Variants in GBP6 observed in about 807,000 individuals in gnomAD.
GBP6 encodes guanylate binding protein family member 6.
Under a neutral mutation model 61.5 loss-of-function variants are expected in GBP6, and 54 were observed. That is an observed-to-expected ratio of 0.88 (90% CI 0.71 to 1.10). The LOEUF (loss-of-function observed/expected upper bound fraction) is 1.10. Among genes scored for constraint, GBP6 ranks in the 50% least tolerant of loss-of-function variants. GBP6 has a pLI of 0.00. For synonymous variants in GBP6, 255 were observed against 273.7 expected, an observed-to-expected ratio of 0.93 and a Z score of 0.67; for missense variants, 748 against 752.8, an observed-to-expected ratio of 0.99 and a Z score of 0.07.
In GBP6 at chr1:89,383,706, A is replaced by G; in HGVS notation, c.1420A>G (p.Ile474Val). The change falls in exon 9 of 11, where the codon ATC becomes GTC. Residue 474 changes from isoleucine (I) to valine (V), a missense_variant. Physicochemically the swap from Ile to Val is conservative, Grantham distance 29. Coordinates refer to ENST00000370456, the MANE Select transcript of GBP6 (RefSeq NM_198460.3). Reference protein sequence around the residue: ...LESQMVIEESILQSDKALTDR... With the variant: ...LESQMVIEESVLQSDKALTDR... ...GTCACAGATGGTGATAGAGGAATCCATCTTGCAGTCAGATAAAGCCCTCAC... is the reference window on the plus strand; with the variant it reads ...GTCACAGATGGTGATAGAGGAATCCGTCTTGCAGTCAGATAAAGCCCTCAC... 6.2e-7 allele frequency: 1 copy of G among 1,613,118 alleles called. No individual in the cohort carries two copies. The highest frequency in any genetic ancestry group is 1.1e-5 in the South Asian group (1 of 90,820).
At position 89,383,677 on chromosome 1, in the gene GBP6, T is replaced by C; in HGVS notation, c.1391T>C (p.Leu464Pro). The C allele has an allele frequency of 6.2e-7, 1 of 1,610,088 alleles. No homozygotes were observed. Among genetic ancestry groups the C allele is most frequent in the Non-Finnish European group, 8.5e-7 (1 of 1,179,060 alleles). The change falls in exon 9 of 11, where the codon CTG (leucine) becomes CCG (proline). Residue 464 changes from leucine to proline, a missense_variant. Leu to Pro is a moderately conservative substitution (Grantham distance 98). Coordinates refer to ENST00000370456, the MANE Select transcript of GBP6 (RefSeq NM_198460.3). ...GCAAAAGAGGTCTTCCAGAGGTTCC[T>C]GGAGTCACAGATGGTGATAGAGGAA... ...VKAKEVFQRFLESQMVIEESI... is the reference protein window; with the variant it reads ...VKAKEVFQRFPESQMVIEESI...
At position 89,387,385 on chromosome 1, in the gene GBP6, G is replaced by A. The variant is rs770382526; in HGVS notation, c.*1916G>A. Among the ~76,000 whole-genome samples, 3 of 152,130 alleles carry A rather than the reference G, an allele frequency of 2.0e-5. No homozygotes were observed. Among genetic ancestry groups the A allele is most frequent in the African/African-American group, 7.2e-5 (3 of 41,426 alleles). ...TTGTAATTATAGTCTTGGCACACAT[G>A]AACTTATTGCAATATAGTATTTGTT... On this transcript the variant is annotated 3_prime_UTR_variant, in exon 11 of 11. Coordinates refer to ENST00000370456, the MANE Select transcript of GBP6 (RefSeq NM_198460.3).
intron 9 of GBP6, 54 bp downstream of exon 9, chr1:89,383,808 T>A: frequency 1.6e-6 from 2 of 1,252,568 alleles, no homozygotes; most frequent in Non-Finnish European, 2.3e-6. Flanking sequence ...CAATGCCCTC[T>A]AACAGATCTA....
chr1:89,381,554 G>A (rs1652979011), intron 6 of GBP6, 140 bp from the exon 7 acceptor site: 2 of 692,946 alleles, frequency 2.9e-6, no homozygotes, highest in African/African-American at 3.6e-5. Context: ...AATAGCAGAA[G>A]GAGGTAGGGA....
intron 2 of GBP6, 27 bp downstream of exon 2, chr1:89,368,768 A>G (rs966733308): frequency 1.9e-6 from 3 of 1,590,988 alleles, no homozygotes; most frequent in Non-Finnish European, 2.6e-6. Context: ...GACACAGGCC[A>G]GTTGCTTGAT....
chr1:89,382,595 AC>A (rs1342631954), intron 7 of GBP6, 68 bp from the exon 8 acceptor site: 23 of 1,290,312 alleles, frequency 1.8e-5, no homozygotes, highest in Non-Finnish European at 2.4e-5. Context: ...TGACTCTACC[AC>A]CAGATTCTTT....
intron 3 of GBP6, among the ~76,000 whole-genome samples, chr1:89,373,918 T>C (rs984540212): frequency 6.6e-6 from 1 of 152,084 alleles, no homozygotes; most frequent in Admixed American, 6.6e-5. Context: ...GTAGTTCCCA[T>C]AATCCCCGCA....
At chr1:89,383,358 G>C (rs1390246943) in intron 8 of GBP6, among the ~76,000 whole-genome samples, 1 of 152,152 alleles carries the variant, frequency 6.6e-6, no homozygotes, top group Non-Finnish European at 1.5e-5. Flanking sequence ...AGACAGACAT[G>C]TATAAGCATC....
rs1277396407 is a variant in GBP6 at position 89,386,595 on chromosome 1, T to A, written c.*1126T>A. The A allele has an allele frequency of 6.6e-6, 1 of 152,202 alleles. No homozygotes were observed. The highest frequency in any genetic ancestry group is 2.4e-5 in the African/African-American group (1 of 41,462). 9.4% of individuals were successfully genotyped at this position (152,202 alleles called of 1,614,324 possible). A position where few individuals can be genotyped will look rare whatever the true frequency, so the allele number is the denominator to read the frequency against. On this transcript the variant is annotated 3_prime_UTR_variant, in exon 11 of 11. Transcript: ENST00000370456. ...TTTTCATTTTGGCCTGGTTTTTCGA[T>A]CCCTTCTATTTGTTTCGAGACTAAG... is the stretch of plus-strand genomic sequence containing the variant.
chr1:89,385,684 C>T lies in GBP6; in HGVS notation c.*215C>T. On this transcript the variant is annotated 3_prime_UTR_variant, in exon 11 of 11. Coordinates refer to ENST00000370456, the MANE Select transcript of GBP6 (RefSeq NM_198460.3). ...AGTAGCTGGGATTATAGGTGTACAC[C>T]ACCACACCCAGCTAATTTTTGTATT... 1 of 429,688 alleles carries T rather than the reference C, an allele frequency of 2.3e-6. No homozygotes were observed. The highest frequency in any genetic ancestry group is 4.1e-6 in the Non-Finnish European group (1 of 242,714). The allele number at this position is 429,688 out of a possible 1,614,324, so 26.6% of individuals were successfully genotyped here. A position where few individuals can be genotyped will look rare whatever the true frequency, so the allele number is the denominator to read the frequency against.
chr1:89,374,180 T>A (rs1236999968), intron 3 of GBP6, among the ~76,000 whole-genome samples: 1 of 152,154 alleles, frequency 6.6e-6, no homozygotes, highest in Non-Finnish European at 1.5e-5. Context: ...CTCTTTCCTG[T>A]GTAAATTGTC....
In GBP6 at chr1:89,378,489, A is replaced by G. The variant is rs1652870427; in HGVS notation, c.501A>G (p.Thr167=). ...SPRPDGVEDS[T]EFVSFFPDFL... is the part of the protein sequence containing the mutation. Reference sequence around the variant, plus strand: ...GGCCTGATGGAGTAGAAGATTCCACAGAGTTTGTGAGTTTCTTCCCAGACT... The same window carrying G: ...GGCCTGATGGAGTAGAAGATTCCACGGAGTTTGTGAGTTTCTTCCCAGACT... Residue 167 remains threonine, a synonymous_variant, in exon 5 of 11, where the codon ACA becomes ACG. Coordinates refer to ENST00000370456, the MANE Select transcript of GBP6 (RefSeq NM_198460.3). 1 of 1,614,160 alleles carries G rather than the reference A, an allele frequency of 6.2e-7. No homozygotes were observed. The highest frequency in any genetic ancestry group is 8.5e-7 in the Non-Finnish European group (1 of 1,179,996).
Position 89,385,359 on chromosome 1 carries a change from G to T in GBP6, c.1792G>T (p.Asp598Tyr), listed in dbSNP as rs115680766. 3.1e-6 allele frequency: 5 copies of T among 1,614,066 alleles called. No individual in the cohort carries two copies. In the East Asian group the frequency reaches 8.9e-5, roughly 29 times the overall value. Residue 598 changes from aspartate to tyrosine, a missense_variant, in exon 11 of 11, where the codon GAC becomes TAC. Transcript: ENST00000370456. ...DDTPWIARTL[D>Y]NLADELTAIL... is the part of the protein sequence containing the mutation. ...TACTCCCTGGATTGCACGAACCTTG[G>T]ACAACCTTGCCGATGAGCTAACTGC...
intron 3 of GBP6, among the ~76,000 whole-genome samples, chr1:89,376,949 C>A (rs561023503): frequency 6.6e-6 from 1 of 152,036 alleles, no homozygotes; most frequent in Non-Finnish European, 1.5e-5. Flanking sequence ...TGTCACGAGT[C>A]CCACTTCTAA....
chr1:89,376,131 C>T (rs1208191675), intron 3 of GBP6, among the ~76,000 whole-genome samples: 3 of 152,118 alleles, frequency 2.0e-5, no homozygotes, highest in Non-Finnish European at 2.9e-5. Flanking sequence ...GACAGGATTT[C>T]CTTCTTTTTG....
chr1:89,366,158 CTAACT>C (rs1233832003), intron 1 of GBP6, among the ~76,000 whole-genome samples: 13 of 152,300 alleles, frequency 8.5e-5, no homozygotes, highest in Admixed American at 5.9e-4. Flanking sequence ...AGAAATCTCT[CTAACT>C]TATCTATTAA....
rs1453216416 is a variant in GBP6 at position 89,386,186 on chromosome 1, A to G, written c.*717A>G. 1.3e-5 allele frequency: 2 copies of G among 152,078 alleles called. No individual in the cohort carries two copies. Among genetic ancestry groups the G allele is most frequent in the Non-Finnish European group, 2.9e-5 (2 of 67,990 alleles). 9.4% of individuals were successfully genotyped at this position (152,078 alleles called of 1,614,324 possible). On this transcript the variant is annotated 3_prime_UTR_variant, in exon 11 of 11. Coordinates refer to ENST00000370456, the MANE Select transcript of GBP6 (RefSeq NM_198460.3). ...ATGAAAAAAAAAAAAACCAAGTTGTAAAGCAATGTAGATTATCTTATCAGC... is the reference window on the plus strand; with the variant it reads ...ATGAAAAAAAAAAAAACCAAGTTGTGAAGCAATGTAGATTATCTTATCAGC...
chr1:89,385,182 A>C (rs748123528), intron 10 of GBP6, 48 bp from the exon 11 acceptor site: 41 of 1,534,518 alleles, frequency 2.7e-5, no homozygotes, highest in Non-Finnish European at 3.0e-5. Flanking sequence ...AAGTCTTAAA[A>C]GAATAGGGAT....
chr1:89,369,429 A>G (rs1266156723), intron 2 of GBP6, 117 bp from the exon 3 acceptor site: 1 of 1,229,406 alleles, frequency 8.1e-7, no homozygotes, highest in Non-Finnish European at 1.1e-6. Flanking sequence ...GAGGAAATAC[A>G]GAAAGGACCA....
Sources: allele counts gnomAD v4.1 joint callset (sites outside exome capture counted in the v4.1 genomes callset), GRCh38; gene constraint gnomAD v4.1.1; transcripts MANE v1.5; gene names NCBI Gene and HGNC (gene_info 2026-07-23, HGNC 2026-07-21).